The following LIMCH1 variants were observed in gnomAD, a reference collection of about 807,000 sequenced individuals.
The protein encoded by LIMCH1 is LIM and calponin homology domains-containing protein 1.
A neutral mutation model predicts 176.5 loss-of-function variants in LIMCH1; 113 were observed. The ratio of observed to expected loss-of-function variants is 0.64; its 90% CI spans 0.55 to 0.75. The LOEUF is 0.75. Among genes scored for constraint, LIMCH1 ranks in the 30% least tolerant of loss-of-function variants. The probability of loss-of-function intolerance (pLI) is 0.00; values close to 1 mark genes in which losing one functional copy is unlikely to be tolerated. For missense variants in LIMCH1, 1,674 were observed against 1,814.9 expected, an observed-to-expected ratio of 0.92 and a Z score of 1.41; for synonymous variants, 619 against 645.9, an observed-to-expected ratio of 0.96 and a Z score of 0.63.
intron 1 of LIMCH1, among the ~76,000 whole-genome samples, chr4:41,413,456 A>G (rs2154125171): frequency 1.3e-5 from 2 of 151,554 alleles, no homozygotes; most frequent in South Asian, 2.1e-4. Flanking sequence ...CAGCCTCCTG[A>G]GTAGCTAGGA....
At chr4:41,470,520 C>T (rs2066793913) in intron 1 of LIMCH1, among the ~76,000 whole-genome samples, 1 of 152,186 alleles carries the variant, frequency 6.6e-6, no homozygotes, top group Admixed American at 6.5e-5. Flanking sequence ...TTCTTTTCTA[C>T]TCATTCAGAG....
At chr4:41,443,950 G>C (rs1020701700) in intron 1 of LIMCH1, among the ~76,000 whole-genome samples, 2 of 152,170 alleles carry the variant, frequency 1.3e-5, no homozygotes, top group Admixed American at 1.3e-4. Context: ...TCAAGGAAAG[G>C]CAAGCTGGCT....
intron 7 of LIMCH1, among the ~76,000 whole-genome samples, chr4:41,626,031 AAG>A (rs1208327491): frequency 1.3e-5 from 2 of 152,106 alleles, no homozygotes; most frequent in African/African-American, 4.8e-5. Flanking sequence ...AAAAAAGAAA[AAG>A]AAGAGAGGTG....
intron 1 of LIMCH1, among the ~76,000 whole-genome samples, chr4:41,402,611 T>G: frequency 7.5e-6 from 1 of 133,544 alleles, no homozygotes; most frequent in Non-Finnish European, 1.5e-5. Context: ...ATTAAGAAAA[T>G]GTGGCACATA....
chr4:41,536,035 C>G (rs1467480811), upstream of LIMCH1, among the ~76,000 whole-genome samples: 2 of 152,094 alleles, frequency 1.3e-5, no homozygotes, highest in Non-Finnish European at 2.9e-5. Flanking sequence ...AGGAATAGAC[C>G]TTCAATTACA....
At chr4:41,660,084 A>G (rs764501525) in intron 18 of LIMCH1, among the ~76,000 whole-genome samples, 4 of 152,104 alleles carry the variant, frequency 2.6e-5, no homozygotes, top group African/African-American at 9.7e-5. Context: ...CTTTTTTTCT[A>G]TATGTTTATG....
intron 1 of LIMCH1, among the ~76,000 whole-genome samples, chr4:41,425,887 T>TTGGG (rs2061033769): frequency 6.6e-6 from 1 of 152,194 alleles, no homozygotes; most frequent in South Asian, 2.1e-4. Flanking sequence ...CTTAGAGGAC[T>TTGGG]TGGGTTGCTG....
chr4:41,486,399 C>G (rs1561515588), intron 1 of LIMCH1, among the ~76,000 whole-genome samples: 3 of 152,090 alleles, frequency 2.0e-5, no homozygotes, highest in Admixed American at 2.0e-4. Flanking sequence ...TTTTATGTAC[C>G]CTGCAAATGG....
Position 41,632,858 on chromosome 4 carries a change from A to G in LIMCH1, c.1711A>G (p.Thr571Ala). ...VCSLGECPRG[T>A]EEVTSKQLPQ... Reference sequence around the variant, plus strand: ...CAGTTTGGGCGAGTGCCCGAGGGGGACAGAGGAAGGTGAGGAGCAGTGTTT... The same window carrying G: ...CAGTTTGGGCGAGTGCCCGAGGGGGGCAGAGGAAGGTGAGGAGCAGTGTTT... The change falls in exon 11 of 32, where the codon ACA becomes GCA. Residue 571 changes from threonine to alanine, a missense_variant. Coordinates refer to ENST00000503057, the MANE Select transcript of LIMCH1 (RefSeq NM_001330672.2). The G allele has an allele frequency of 1.3e-6, 2 of 1,535,706 alleles. No individual in the cohort carries two copies. Among genetic ancestry groups the G allele is most frequent in the Non-Finnish European group, 1.7e-6 (2 of 1,146,552 alleles).
intron 1 of LIMCH1, among the ~76,000 whole-genome samples, chr4:41,429,379 C>T (rs73810240): frequency 1.7e-4 from 26 of 152,080 alleles, no homozygotes; most frequent in African/African-American, 5.8e-4. Flanking sequence ...GAAGGGTACT[C>T]ATTTCTGAGG....
intron 18 of LIMCH1, among the ~76,000 whole-genome samples, chr4:41,650,899 A>G (rs965318756): frequency 7.9e-5 from 12 of 152,026 alleles, no homozygotes; most frequent in Non-Finnish European, 1.3e-4. Context: ...GCTGCTGGCA[A>G]TCTTGATGTT....
chr4:41,659,085 G>C (rs1376939555), intron 18 of LIMCH1, among the ~76,000 whole-genome samples: 1 of 152,160 alleles, frequency 6.6e-6, no homozygotes, highest in South Asian at 2.1e-4. Flanking sequence ...TAAACTGGTT[G>C]ATCTTCAAAT....
At position 41,620,597 on chromosome 4, in the gene LIMCH1, A is replaced by G. The variant is rs531641983; in HGVS notation, c.632A>G (p.Lys211Arg). Residue 211 changes from lysine (K) to arginine (R), a missense_variant, in exon 7 of 32, where the codon AAG (lysine) becomes AGG (arginine). Around this residue, in one of 3 missense-constraint regions of LIMCH1, gnomAD observed 655 missense variants for 692.2 expected, o/e 0.95. Coordinates refer to ENST00000503057, the MANE Select transcript of LIMCH1 (RefSeq NM_001330672.2). Reference protein sequence around the residue: ...SDGAVVAPAPKSEEKDAAEIQ... With the variant: ...SDGAVVAPAPRSEEKDAAEIQ... The stretch of plus-strand genomic sequence containing the variant: ...GGGGCTGTGGTGGCACCAGCTCCCA[A>G]GTCTGAAGAAAAAGATGCTGCTGAG... The G allele has an allele frequency of 6.5e-6, 10 of 1,536,178 alleles. No individual in the cohort carries two copies. The Admixed American group carries it at 2.0e-4, about 30-fold the overall frequency.
intron 1 of LIMCH1, among the ~76,000 whole-genome samples, chr4:41,405,730 G>A (rs2058891078): frequency 6.6e-6 from 1 of 151,820 alleles, no homozygotes; most frequent in Non-Finnish European, 1.5e-5. Flanking sequence ...TTATATGAAT[G>A]TATCAAATTA....
chr4:41,550,102 G>C (rs900972321), intron 1 of LIMCH1, among the ~76,000 whole-genome samples: 1 of 151,598 alleles, frequency 6.6e-6, no homozygotes, highest in Non-Finnish European at 1.5e-5. Context: ...GAGACGGCAG[G>C]CTTCACCCCC....
At chr4:41,692,482 A>G in intron 31 of LIMCH1, 98 bp downstream of exon 31, 3 of 741,558 alleles carry the variant, frequency 4.0e-6, no homozygotes, top group Non-Finnish European at 7.1e-6. Context: ...CCAGCCGTTG[A>G]CACTCTAATC....
chr4:41,693,504 A>C (rs562601032), intron 31 of LIMCH1, among the ~76,000 whole-genome samples: 8 of 151,590 alleles, frequency 5.3e-5, no homozygotes, highest in African/African-American at 1.7e-4. Flanking sequence ...GCTGCTATCA[A>C]ACTGGACTAT....
intron 1 of LIMCH1, among the ~76,000 whole-genome samples, chr4:41,424,022 T>G (rs1330652120): frequency 6.6e-6 from 1 of 152,200 alleles, no homozygotes; most frequent in African/African-American, 2.4e-5. Flanking sequence ...ATCATTAGTG[T>G]GATTCCCTCC....
chr4:41,632,694 T>C, intron 10 of LIMCH1, 55 bp from the exon 11 acceptor site: 6 of 1,397,750 alleles, frequency 4.3e-6, no homozygotes, highest in Non-Finnish European at 5.9e-6. Flanking sequence ...CTGTCTTCTT[T>C]CGTAACCCAT....
Sources: gnomAD v4.1 joint callset for allele counts (sites outside exome capture counted in the v4.1 genomes callset) on GRCh38, gnomAD v4.1.1 for gene constraint, gnomAD v4.1.1 regional missense constraint, MANE v1.5 for transcripts, NCBI Gene and HGNC (gene_info 2026-07-23, HGNC 2026-07-21) for gene names.